The following DMRT1 variants were observed in gnomAD, a reference collection of about 807,000 sequenced individuals.
The protein encoded by DMRT1 is doublesex and mab-3 related transcription factor 1, also known as doublesex- and mab-3-related transcription factor 1.
A neutral mutation model predicts 32.3 loss-of-function variants in DMRT1; 7 were observed. The observed-to-expected ratio is 0.22, with a 90% CI of 0.12 to 0.41. The LOEUF is 0.41. Ranked by LOEUF, DMRT1 falls within the 10% of genes least tolerant of loss-of-function variation. DMRT1 has a pLI of 1.00. For missense variants in DMRT1, 625 were observed against 500.5 expected (o/e 1.25, Z -2.37); for synonymous variants, 278 against 206.1 (o/e 1.35, Z -2.99).
At chr9:849,834 T>A (rs1839063829) in intron 2 of DMRT1, among the ~76,000 whole-genome samples, 1 of 152,068 alleles carries the variant, frequency 6.6e-6, no homozygotes, top group South Asian at 2.1e-4. Context: ...TCTCTCTTTT[T>A]TTTTTTGAGA....
chr9:893,798 T>G, intron 2 of DMRT1, 114 bp from the exon 3 acceptor site: 1 of 949,476 alleles, frequency 1.1e-6, no homozygotes, highest in Non-Finnish European at 1.6e-6. Context: ...TGGTTTTGTC[T>G]TCTGCATATT....
At chr9:848,552 CTTTTTTTTT>C (rs143346289) in intron 2 of DMRT1, among the ~76,000 whole-genome samples, 1 of 97,022 alleles carries the variant, frequency 1.0e-5, no homozygotes, top group Non-Finnish European at 2.1e-5. Flanking sequence ...TGTTTCCTTT[CTTTTTTTTT>C]TTTTTTTTTT....
chr9:894,680 T>C (rs1302507991), intron 3 of DMRT1: 1 of 245,808 alleles, frequency 4.1e-6, no homozygotes, highest in African/African-American at 2.2e-5. Context: ...AAACAGGTCA[T>C]AATCTGTATG....
intron 3 of DMRT1, among the ~76,000 whole-genome samples, chr9:909,029 G>A (rs144499394): frequency 6.6e-6 from 1 of 152,238 alleles, no homozygotes; most frequent in African/African-American, 2.4e-5. Context: ...CAAAGGCTGA[G>A]TCCTCACAAG....
chr9:903,936 G>A (rs1817679368), intron 3 of DMRT1, among the ~76,000 whole-genome samples: 1 of 152,208 alleles, frequency 6.6e-6, no homozygotes, highest in South Asian at 2.1e-4. Context: ...ACTTGTGTAA[G>A]TCCTGGGCTG....
intron 3 of DMRT1, among the ~76,000 whole-genome samples, chr9:899,302 C>G (rs1212833909): frequency 6.6e-6 from 1 of 151,880 alleles, no homozygotes; most frequent in Non-Finnish European, 1.5e-5. Flanking sequence ...AGAAGGAATT[C>G]TTAGAGATGA....
chr9:930,462 A>G (rs1402813240), intron 4 of DMRT1, among the ~76,000 whole-genome samples: 2 of 151,556 alleles, frequency 1.3e-5, no homozygotes, highest in African/African-American at 4.9e-5. Context: ...CCCAGGCTGG[A>G]GTGCAGTGGT....
At position 965,283 on chromosome 9, in the gene DMRT1, A is replaced by C. The variant is rs1243467528; in HGVS notation, c.968-2702A>C. Among the ~76,000 whole-genome samples, 3 of 152,248 alleles carry C rather than the reference A, an allele frequency of 2.0e-5. No individual in the cohort carries two copies. Among genetic ancestry groups the C allele is most frequent in the Non-Finnish European group, 4.4e-5 (3 of 68,050 alleles). ...TTAAAAACAATGCTAAGCCTTGAAC[A>C]AATGTAAAAATAGCATGGGTTTAAA... On this transcript the variant is annotated intron_variant, in intron 4 of 4. Coordinates refer to ENST00000382276, the MANE Select transcript of DMRT1 (RefSeq NM_021951.3). This position sits in a 1 kb window ranked among gnomAD's most constrained non-coding sequence, Gnocchi z 4.5.
intron 4 of DMRT1, among the ~76,000 whole-genome samples, chr9:917,776 C>G (rs1243608872): frequency 6.6e-6 from 1 of 152,128 alleles, no homozygotes; most frequent in Non-Finnish European, 1.5e-5. Context: ...AATTCAGAAC[C>G]AGAAAGTCTA....
intron 3 of DMRT1, among the ~76,000 whole-genome samples, chr9:907,822 A>AAT (rs777107791): frequency 1.2e-5 from 1 of 82,554 alleles, no homozygotes; most frequent in Non-Finnish European, 2.5e-5. Flanking sequence ...AGTTCTCTAA[A>AAT]ATATATATGT....
intron 2 of DMRT1, among the ~76,000 whole-genome samples, chr9:886,750 T>G (rs1477831872): frequency 6.6e-6 from 1 of 152,170 alleles, no homozygotes; most frequent in Non-Finnish European, 1.5e-5. Context: ...AATATTACTT[T>G]TAGGTTTATC....
rs944742292 is a variant in DMRT1 at position 956,503 on chromosome 9, G to A, written c.968-11482G>A. 4.0e-5 allele frequency among the ~76,000 whole-genome samples: 6 copies of A among 151,304 alleles called. No individual in the cohort carries two copies. In the South Asian group the frequency reaches 1.2e-3, roughly 31 times the overall value. On this transcript the variant is annotated intron_variant, in intron 4 of 4. Coordinates refer to ENST00000382276, the MANE Select transcript of DMRT1 (RefSeq NM_021951.3). ...CACCTGAGCCCAGAAGTTTGAGGCT[G>A]CAGTGAGTTATGATTGAGCCATTGC... is the stretch of plus-strand genomic sequence containing the variant.
intron 3 of DMRT1, among the ~76,000 whole-genome samples, chr9:902,155 C>T (rs1265360417): frequency 6.6e-6 from 1 of 151,590 alleles, no homozygotes; most frequent in Admixed American, 6.6e-5. Context: ...GGTGATCCGC[C>T]CCCCTCAGCC....
At chr9:869,440 C>A (rs553452612) in intron 2 of DMRT1, among the ~76,000 whole-genome samples, 7 of 152,286 alleles carry the variant, frequency 4.6e-5, no homozygotes, top group Admixed American at 1.3e-4. Flanking sequence ...GAATTGTGTA[C>A]CTTTTAAAAT....
chr9:882,953 G>C (rs1816790303), intron 2 of DMRT1, among the ~76,000 whole-genome samples: 1 of 151,474 alleles, frequency 6.6e-6, no homozygotes, highest in Non-Finnish European at 1.5e-5. Flanking sequence ...TGTATTTTTA[G>C]TAGAGACGGG....
At chr9:884,247 T>C (rs1586563086) in intron 2 of DMRT1, among the ~76,000 whole-genome samples, 1 of 152,050 alleles carries the variant, frequency 6.6e-6, no homozygotes, top group East Asian at 1.9e-4. Flanking sequence ...TTAACTACTA[T>C]TAATATGTCA....
intron 4 of DMRT1, among the ~76,000 whole-genome samples, chr9:961,853 A>T (rs1177940175): frequency 6.6e-6 from 1 of 152,248 alleles, no homozygotes; most frequent in African/African-American, 2.4e-5. Context: ...TTTGTTGAGT[A>T]AACATTACTC....
At chr9:859,844 A>G (rs1815575515) in intron 2 of DMRT1, among the ~76,000 whole-genome samples, 1 of 145,468 alleles carries the variant, frequency 6.9e-6, no homozygotes, top group Non-Finnish European at 1.5e-5. Flanking sequence ...GTAATAGCAG[A>G]TTTTCTGATG....
At chr9:842,476 T>C in intron 1 of DMRT1, 1 of 417,070 alleles carries the variant, frequency 2.4e-6, no homozygotes, top group Non-Finnish European at 4.3e-6. Context: ...CCTCAGGTGA[T>C]CCACCCGCCT....
Sources: allele counts gnomAD v4.1 joint callset (sites outside exome capture counted in the v4.1 genomes callset), GRCh38; gene constraint gnomAD v4.1.1; non-coding constraint Gnocchi (gnomAD v3.1); transcripts MANE v1.5; gene names NCBI Gene and HGNC (gene_info 2026-07-23, HGNC 2026-07-21).